ALS2CL: variants seen among roughly 807,000 people sequenced by gnomAD.
The protein encoded by ALS2CL is ALS2 C-terminal-like protein.
In ALS2CL, 112 loss-of-function variants were observed where a neutral mutation model predicts 127.9. That is an observed-to-expected ratio of 0.88 (90% CI 0.75 to 1.02). The LOEUF (loss-of-function observed/expected upper bound fraction) is 1.02. ALS2CL is among the 50% of genes least tolerant of loss of function. The pLI is 0.00. For synonymous variants in ALS2CL, 519 were observed against 527.6 expected (o/e 0.98, Z 0.22); for missense variants, 1,174 against 1,236.7 (o/e 0.95, Z 0.76).
Position 46,681,747 on chromosome 3 carries a change from A to G in ALS2CL, c.1176-149T>C. On this transcript the variant is annotated intron_variant, in intron 11 of 25. Coordinates refer to ENST00000318962, the MANE Select transcript of ALS2CL (RefSeq NM_147129.5). The surrounding 1 kb of genome is among the most constrained non-coding windows in gnomAD (Gnocchi z 4.9). ...AGGCCCTCAGCCTTCCTATCCTTCAAAGGGCCCCTCTCAGGACCCCTCCCT... is the reference window on the plus strand; with the variant it reads ...AGGCCCTCAGCCTTCCTATCCTTCAGAGGGCCCCTCTCAGGACCCCTCCCT... The G allele has an allele frequency of 1.2e-6, 1 of 857,614 alleles. No homozygotes were observed. The allele number at this position is 857,614 out of a possible 1,614,324, so 53.1% of individuals were successfully genotyped here.
intron 1 of ALS2CL, among the ~76,000 whole-genome samples, chr3:46,692,147 C>T (rs767577865): frequency 1.3e-5 from 2 of 152,070 alleles, no homozygotes; most frequent in Admixed American, 6.5e-5. Flanking sequence ...GGGGGAAGGC[C>T]GCAGTGGAAG....
rs764838495 is a variant in ALS2CL, at chr3:46,674,592, T to C, written c.2403A>G (p.Gln801=). 6.2e-7 allele frequency: 1 copy of C among 1,613,434 alleles called. No individual in the cohort carries two copies. Among genetic ancestry groups the C allele is most frequent in the South Asian group, 1.1e-5 (1 of 90,930 alleles). ...IANLSLFPDT[Q]LLEFLDVQKH... ...TCTGCACATCCAGGAACTCGAGCAG[T>C]TGGGTATCAGGAAAGAGGCTCAAGT... Residue 801 remains glutamine (Q), a synonymous_variant, in exon 21 of 26, where the codon CAA becomes CAG. Transcript: ENST00000318962.
In ALS2CL at chr3:46,676,359, G is replaced by A. The variant is rs768951510; in HGVS notation, c.2072C>T (p.Thr691Ile). The change falls in exon 19 of 26, where the codon ACA becomes ATA. Residue 691 changes from threonine (T) to isoleucine (I), a missense_variant. Physicochemically the swap from Thr to Ile is moderately conservative, Grantham distance 89. Coordinates refer to ENST00000318962, the MANE Select transcript of ALS2CL (RefSeq NM_147129.5). Reference protein sequence around the residue: ...SLHPLGKLLRTLMLTFQATYA... With the variant: ...SLHPLGKLLRILMLTFQATYA... ...GGTAGCCTGGAAGGTCAGCATCAGT[G>A]TCCGGAGCAGCTTTCCCAGGGGGTG... 8.7e-6 allele frequency: 14 copies of A among 1,613,950 alleles called. No individual in the cohort carries two copies. In the East Asian group the frequency reaches 1.1e-4, roughly 13 times the overall value.
chr3:46,690,342 A>G (rs1338113164), intron 1 of ALS2CL, among the ~76,000 whole-genome samples: 1 of 152,226 alleles, frequency 6.6e-6, no homozygotes, highest in East Asian at 1.9e-4. Context: ...GGGATCACTG[A>G]TCACAACCAT....
chr3:46,675,384 A>C (rs1450237696), intron 20 of ALS2CL: 33 of 534,400 alleles, frequency 6.2e-5, no homozygotes. Context: ...GGGATCATAC[A>C]TTTAGAACAA....
At position 46,671,532 on chromosome 3, in the gene ALS2CL, T is replaced by TG; in HGVS notation, c.2736dup (p.Asn913GlnfsTer8). On this transcript the variant is annotated frameshift_variant, in exon 25 of 26. Transcript: ENST00000318962. LOFTEE classifies it high-confidence loss of function. ...AAGTCATACAGGCCTCCTGTGTGGTTGGGGTCCATCATGTCACGGATCAGG... is the reference window on the plus strand; with the variant it reads ...AAGTCATACAGGCCTCCTGTGTGGTTGGGGGTCCATCATGTCACGGATCAGG... The TG allele has an allele frequency of 6.2e-7, 1 of 1,614,010 alleles. No homozygotes were observed. The highest frequency in any genetic ancestry group is 8.5e-7 in the Non-Finnish European group (1 of 1,179,974).
At chr3:46,678,159 G>A in intron 16 of ALS2CL, 100 bp downstream of exon 16, 7 of 1,294,300 alleles carry the variant, frequency 5.4e-6, no homozygotes, top group South Asian at 2.3e-5. Flanking sequence ...GGGCTAAGAG[G>A]TGGGTGCAAA....
rs750496738 is a variant in ALS2CL at position 46,681,203 on chromosome 3, G to T, written c.1436+43C>A. On this transcript the variant is annotated intron_variant, in intron 13 of 25. Transcript: ENST00000318962. The surrounding 1 kb of genome is among the most constrained non-coding windows in gnomAD (Gnocchi z 4.9). ...CAACAATCTGGTCTGTGAGGGCCCG[G>T]TCCACCCCTCCGTCCTGGGAGTGGT... 1.2e-6 allele frequency: 2 copies of T among 1,612,994 alleles called. No homozygotes were observed. The highest frequency in any genetic ancestry group is 1.7e-5 in the Admixed American group (1 of 59,990).
intron 1 of ALS2CL, among the ~76,000 whole-genome samples, chr3:46,692,159 T>G (rs1700197629): frequency 6.6e-6 from 1 of 152,070 alleles, no homozygotes; most frequent in South Asian, 2.1e-4. Flanking sequence ...CAGTGGAAGC[T>G]GGGATTCTGG....
chr3:46,679,135 G>C, intron 15 of ALS2CL, 75 bp downstream of exon 15: 1 of 1,442,254 alleles, frequency 6.9e-7, no homozygotes, highest in Non-Finnish European at 9.4e-7. Flanking sequence ...CCCCAGCCCT[G>C]AGTCTAAGTG....
At chr3:46,680,293 C>G in intron 14 of ALS2CL, 137 bp downstream of exon 14, 1 of 910,346 alleles carries the variant, frequency 1.1e-6, no homozygotes, top group Non-Finnish European at 1.7e-6. Flanking sequence ...GCTTCCTGCC[C>G]AGGTTCTGGC....
chr3:46,672,156 A>G lies in ALS2CL; in HGVS notation c.2518T>C (p.Cys840Arg). 1 of 1,613,448 alleles carries G rather than the reference A, an allele frequency of 6.2e-7. No individual in the cohort carries two copies. The highest frequency in any genetic ancestry group is 1.1e-5 in the South Asian group (1 of 90,990). ...RDKCFLSATECLQKIMTTVDP... is the reference protein window; with the variant it reads ...RDKCFLSATERLQKIMTTVDP... ...CACACTCACATGATCTTCTGCAGGC[A>G]CTCGGTGGCTGACAGGAAACACTTG... The change falls in exon 23 of 26, where the codon TGC becomes CGC. Residue 840 changes from cysteine (C) to arginine (R), a missense_variant. Cys to Arg is a radical substitution (Grantham distance 180). Transcript: ENST00000318962.
chr3:46,688,102 T>C lies in ALS2CL; in HGVS notation c.298A>G (p.Ile100Val), dbSNP rs773959203. Reference protein sequence around the residue: ...RGADRVLQAHIEYIESYTSCM... With the variant: ...RGADRVLQAHVEYIESYTSCM... ...CCCCACCTCCAGTGGTCTTACTCTA[T>C]GTGGGCCTGCAGTACACGGTCAGCA... The change falls in exon 3 of 26, where the codon ATA (isoleucine) becomes GTA (valine). Residue 100 changes from isoleucine (I) to valine (V), a missense_variant. Ile to Val is a conservative substitution (Grantham distance 29, BLOSUM62 3). Transcript: ENST00000318962. The C allele has an allele frequency of 8.1e-6, 13 of 1,613,088 alleles. No homozygotes were observed. The South Asian group carries it at 1.1e-4, about 14-fold the overall frequency.
intron 3 of ALS2CL, among the ~76,000 whole-genome samples, 181 bp from the exon 4 acceptor site, chr3:46,687,865 C>T (rs1699902608): frequency 6.6e-6 from 1 of 152,180 alleles, no homozygotes; most frequent in Admixed American, 6.5e-5. Flanking sequence ...TTCTAACATA[C>T]AGTCTGTCTT....
At position 46,669,829 on chromosome 3, in the gene ALS2CL, A is replaced by G. The variant is rs1244221086; in HGVS notation, c.*1155T>C. The stretch of plus-strand genomic sequence containing the variant: ...CTCTGCCCCAAGGCTACTGCCAGGG[A>G]CTCAGGTGTGGCTGGGCTTTCCAGA... On this transcript the variant is annotated 3_prime_UTR_variant, in exon 26 of 26. Transcript: ENST00000318962. The G allele has an allele frequency of 6.6e-6, 1 of 152,224 alleles. No homozygotes were observed. The highest frequency in any genetic ancestry group is 2.4e-5 in the African/African-American group (1 of 41,412). 9.4% of individuals were successfully genotyped at this position (152,224 alleles called of 1,614,324 possible). A position where few individuals can be genotyped will look rare whatever the true frequency, so the allele number is the denominator to read the frequency against.
chr3:46,676,645 C>G lies in ALS2CL; in HGVS notation c.2025G>C (p.Arg675Ser). Reference protein sequence around the residue: ...REPKALQLYLRKALSNSLHPL... With the variant: ...REPKALQLYLSKALSNSLHPL... ...GCCACCCCAGCAGGGCTCTCACCTT[C>G]CTGAGGTACAGCTGCAGGGCCTTGG... The change falls in exon 18 of 26, where the codon AGG becomes AGC. Residue 675 changes from arginine to serine, a missense_variant. Physicochemically the swap from Arg to Ser is moderately radical, Grantham distance 110. Transcript: ENST00000318962. 3 of 1,613,286 alleles carry G rather than the reference C, an allele frequency of 1.9e-6. No homozygotes were observed. The highest frequency in any genetic ancestry group is 2.5e-6 in the Non-Finnish European group (3 of 1,179,816).
In ALS2CL at chr3:46,686,249, A is replaced by G; in HGVS notation, c.666+59T>C. On this transcript the variant is annotated intron_variant, in intron 6 of 25. Coordinates refer to ENST00000318962, the MANE Select transcript of ALS2CL (RefSeq NM_147129.5). This position sits in a 1 kb window ranked among gnomAD's most constrained non-coding sequence, Gnocchi z 4.3. ...TACAGCAAGCAGCTCAAGCCCCCCA[A>G]CATCTCCATGCCCAATGTGGAACCC... 6.5e-6 allele frequency: 10 copies of G among 1,532,574 alleles called. No homozygotes were observed. The South Asian group carries it at 1.2e-4, about 18-fold the overall frequency. The allele number at this position is 1,532,574 out of a possible 1,614,324, so 94.9% of individuals were successfully genotyped here.
Position 46,689,460 on chromosome 3 carries a change from G to T in ALS2CL, c.-20C>A. 1 of 1,586,710 alleles carries T rather than the reference G, an allele frequency of 6.3e-7. No individual in the cohort carries two copies. Among genetic ancestry groups the T allele is most frequent in the Non-Finnish European group, 8.6e-7 (1 of 1,166,530 alleles). ...GCACATGGCCAGGTGCCGGACTCAG[G>T]GCCTCCTAGGTAGGGCACAGGTTAC... On this transcript the variant is annotated 5_prime_UTR_variant, in exon 2 of 26. Transcript: ENST00000318962.
chr3:46,674,457 A>T, intron 21 of ALS2CL, 109 bp downstream of exon 21: 1 of 1,394,062 alleles, frequency 7.2e-7, no homozygotes, highest in Non-Finnish European at 9.8e-7. Context: ...TAAGCTTAGA[A>T]CTTGGTGGGT....
Sources: gnomAD v4.1 joint callset for allele counts (sites outside exome capture counted in the v4.1 genomes callset) on GRCh38, gnomAD v4.1.1 for gene constraint, Gnocchi (gnomAD v3.1) non-coding constraint, MANE v1.5 for transcripts, NCBI Gene and HGNC (gene_info 2026-07-23, HGNC 2026-07-21) for gene names.